Variants in CAPZB observed in about 807,000 individuals in gnomAD.
CAPZB encodes the protein F-actin-capping protein subunit beta.
A neutral mutation model predicts 38.1 loss-of-function variants in CAPZB; 2 were observed. The observed-to-expected ratio is 0.05, with a 90% CI of 0.02 to 0.17. CAPZB has a LOEUF of 0.17. CAPZB is among the 10% of genes least tolerant of loss of function. The probability of loss-of-function intolerance (pLI) is 1.00; values close to 1 mark genes in which losing one functional copy is unlikely to be tolerated. For missense variants in CAPZB, 161 were observed against 334.2 expected, an observed-to-expected ratio of 0.48 and a Z score of 4.04; for synonymous variants, 107 against 127.4, an observed-to-expected ratio of 0.84 and a Z score of 1.08.
At chr1:19,413,160 T>C (rs1469640780) in intron 2 of CAPZB, among the ~76,000 whole-genome samples, 2 of 152,158 alleles carry the variant, frequency 1.3e-5, no homozygotes, top group Non-Finnish European at 2.9e-5. Context: ...GGTCATTCTT[T>C]TCGGGGATCA....
At chr1:19,384,034 C>T (rs1453048485) in intron 3 of CAPZB, among the ~76,000 whole-genome samples, 1 of 152,200 alleles carries the variant, frequency 6.6e-6, no homozygotes, top group African/African-American at 2.4e-5. Flanking sequence ...AGGAAAGGGA[C>T]ATGATTATAA....
chr1:19,439,835 AC>A (rs2094469897), intron 1 of CAPZB, among the ~76,000 whole-genome samples: 1 of 151,802 alleles, frequency 6.6e-6, no homozygotes, highest in Admixed American at 6.6e-5. Context: ...CATTTCAGAA[AC>A]CACCTCTTAT....
At chr1:19,343,544 C>T (rs560022986) in intron 8 of CAPZB, among the ~76,000 whole-genome samples, 1 of 152,338 alleles carries the variant, frequency 6.6e-6, no homozygotes, top group South Asian at 2.1e-4. Context: ...TGGACAAGGG[C>T]CTCTGCGAGG....
At chr1:19,400,226 T>G (rs1290272922) in intron 2 of CAPZB, among the ~76,000 whole-genome samples, 1 of 151,984 alleles carries the variant, frequency 6.6e-6, no homozygotes, top group Non-Finnish European at 1.5e-5. Flanking sequence ...GGCACAGGTC[T>G]TCGTCAATTT....
At chr1:19,473,397 A>T (rs964839855) in intron 1 of CAPZB, among the ~76,000 whole-genome samples, 1 of 152,234 alleles carries the variant, frequency 6.6e-6, no homozygotes, top group African/African-American at 2.4e-5. Context: ...CACAGAGGCC[A>T]GCCTAATCCA....
intron 1 of CAPZB, among the ~76,000 whole-genome samples, chr1:19,432,066 G>GA (rs1046571679): frequency 4.6e-5 from 5 of 108,022 alleles, no homozygotes; most frequent in South Asian, 3.2e-4. Flanking sequence ...AAAAAAAAAA[G>GA]AAAAAAAAAG....
intron 8 of CAPZB, 95 bp from the exon 9 acceptor site, chr1:19,339,712 C>T: frequency 2.1e-6 from 2 of 932,186 alleles, no homozygotes; most frequent in Non-Finnish European, 3.6e-6. Flanking sequence ...GGCTGATTTG[C>T]TGCATGGACC....
intron 2 of CAPZB, among the ~76,000 whole-genome samples, chr1:19,415,143 G>A (rs994566150): frequency 6.6e-6 from 1 of 152,234 alleles, no homozygotes; most frequent in Non-Finnish European, 1.5e-5. Flanking sequence ...CATCTTAAGC[G>A]AGGCCATTCC....
chr1:19,467,882 A>G (rs142752211), intron 1 of CAPZB, among the ~76,000 whole-genome samples: 1 of 152,202 alleles, frequency 6.6e-6, no homozygotes, highest in South Asian at 2.1e-4. Flanking sequence ...TAGAGCTTGA[A>G]AACACTGCAG....
intron 2 of CAPZB, among the ~76,000 whole-genome samples, chr1:19,396,789 A>C (rs1320952942): frequency 2.5e-4 from 37 of 147,432 alleles, no homozygotes; most frequent in African/African-American, 7.2e-4. Context: ...AAAAATACAA[A>C]AAAAAAAAAA....
intron 6 of CAPZB, among the ~76,000 whole-genome samples, chr1:19,345,635 A>G (rs1172092791): frequency 6.6e-6 from 1 of 152,250 alleles, no homozygotes; most frequent in Non-Finnish European, 1.5e-5. Context: ...ACGCTGGGCC[A>G]TCCACCCCAG....
chr1:19,439,621 C>T (rs1369657091), intron 1 of CAPZB, among the ~76,000 whole-genome samples: 1 of 152,260 alleles, frequency 6.6e-6, no homozygotes, highest in East Asian at 1.9e-4. Context: ...AGAACCACCT[C>T]AAGGATGTGC....
At chr1:19,418,582 A>G (rs2094389946) in intron 2 of CAPZB, among the ~76,000 whole-genome samples, 1 of 152,194 alleles carries the variant, frequency 6.6e-6, no homozygotes, top group South Asian at 2.1e-4. Context: ...ACTATGAATG[A>G]GATACAGCAG....
chr1:19,342,862 G>C lies in CAPZB; in HGVS notation c.731+1496C>G, dbSNP rs751764291. On this transcript the variant is annotated intron_variant, in intron 8 of 8. Transcript: ENST00000264202. ...TTGGTTGTCAGGGATAGCATCAATA[G>C]ATCTACAGAGAGTGTTCAAGATGAG... 5 of 1,577,320 alleles carry C rather than the reference G, an allele frequency of 3.2e-6. No individual in the cohort carries two copies. In the Admixed American group the frequency reaches 5.0e-5, roughly 16 times the overall value.
intron 1 of CAPZB, among the ~76,000 whole-genome samples, chr1:19,461,813 G>C (rs1320033633): frequency 2.0e-5 from 3 of 152,134 alleles, no homozygotes; most frequent in Non-Finnish European, 4.4e-5. Context: ...TACCCTCACT[G>C]AGCCTCAGTT....
intron 1 of CAPZB, among the ~76,000 whole-genome samples, chr1:19,427,999 G>A (rs1337978331): frequency 3.3e-5 from 5 of 152,202 alleles, no homozygotes; most frequent in Non-Finnish European, 7.3e-5. Context: ...CTGGGAGATG[G>A]CAGGGCAACA....
intron 6 of CAPZB, among the ~76,000 whole-genome samples, chr1:19,353,273 C>T (rs949990570): frequency 6.6e-6 from 1 of 152,100 alleles, no homozygotes; most frequent in Admixed American, 6.5e-5. Flanking sequence ...TCCTGACACA[C>T]GTGGGGCAAG....
chr1:19,341,252 G>A (rs759023634), intron 8 of CAPZB, among the ~76,000 whole-genome samples: 30 of 152,286 alleles, frequency 2.0e-4, no homozygotes, highest in Non-Finnish European at 3.5e-4. Flanking sequence ...CAGCCCCCAC[G>A]GCCCCCAGGC....
rs138591627 is a variant in CAPZB, at chr1:19,472,217, T to G, written c.3+13219A>C. Among the ~76,000 whole-genome samples, 404 of 152,218 alleles carry G rather than the reference T, an allele frequency of 2.7e-3. 1 individual carries two copies. The highest frequency in any genetic ancestry group is 9.4e-3 in the African/African-American group (389 of 41,526). On this transcript the variant is annotated intron_variant, in intron 1 of 8. Coordinates refer to ENST00000264202, the MANE Select transcript of CAPZB (RefSeq NM_004930.5). ...GAATATTACCTAGTGCAAAGTAGGATGAAAAAGTAAGAGAGGTTGTCATGA... is the reference window on the plus strand; with the variant it reads ...GAATATTACCTAGTGCAAAGTAGGAGGAAAAAGTAAGAGAGGTTGTCATGA...
Sources: allele counts gnomAD v4.1 joint callset (sites outside exome capture counted in the v4.1 genomes callset), GRCh38; gene constraint gnomAD v4.1.1; transcripts MANE v1.5; gene names NCBI Gene and HGNC (gene_info 2026-07-23, HGNC 2026-07-21).